Variants in RAVER2 observed in about 807,000 individuals in gnomAD.
The protein encoded by RAVER2 is ribonucleoprotein, PTB binding 2, also known as ribonucleoprotein PTB-binding 2.
RAVER2 carries 46 observed loss-of-function variants against 78.1 expected under a neutral mutation model. The observed-to-expected ratio is 0.59, with a 90% CI of 0.46 to 0.75. The LOEUF is 0.75. RAVER2 is among the 30% of genes least tolerant of loss of function. The probability of loss-of-function intolerance (pLI) is 0.00; values close to 1 mark genes in which losing one functional copy is unlikely to be tolerated. For synonymous variants in RAVER2, 311 were observed against 313.3 expected (o/e 0.99, Z 0.08); for missense variants, 793 against 837.5 (o/e 0.95, Z 0.66).
At chr1:64,788,488 AAAAC>A (rs1652844507) in intron 4 of RAVER2, among the ~76,000 whole-genome samples, 1 of 150,440 alleles carries the variant, frequency 6.6e-6, no homozygotes, top group Non-Finnish European at 1.5e-5. Context: ...TAAAAATAAA[AAAAC>A]AATAATAAAG....
At chr1:64,830,767 T>C in intron 11 of RAVER2, 72 bp from the exon 12 acceptor site, 1 of 1,366,618 alleles carries the variant, frequency 7.3e-7, no homozygotes, top group Non-Finnish European at 1.0e-6. Flanking sequence ...TGGAATGCTT[T>C]TCTTATAAAT....
At chr1:64,789,629 A>G (rs936655701) in intron 5 of RAVER2, 115 bp downstream of exon 5, 31 of 836,270 alleles carry the variant, frequency 3.7e-5, no homozygotes, top group Middle Eastern at 3.5e-4. Flanking sequence ...TTAAATTAGT[A>G]TAAAATATTT....
chr1:64,780,283 T>G, intron 3 of RAVER2, among the ~76,000 whole-genome samples: 1 of 152,182 alleles, frequency 6.6e-6, no homozygotes, highest in East Asian at 1.9e-4. Context: ...TGGTTTGGAT[T>G]ATAAGAGGAA....
At chr1:64,829,390 C>T (rs939577372) in intron 11 of RAVER2, among the ~76,000 whole-genome samples, 1 of 152,134 alleles carries the variant, frequency 6.6e-6, no homozygotes, top group Admixed American at 6.5e-5. Flanking sequence ...AAAAAGAGTT[C>T]TTTATACCTG....
At chr1:64,768,827 T>G (rs970853873) in intron 2 of RAVER2, 105 bp downstream of exon 2, 5 of 718,734 alleles carry the variant, frequency 7.0e-6, no homozygotes, top group Non-Finnish European at 9.4e-6. Flanking sequence ...ATCATGGAAT[T>G]TTTAAGCCTT....
At chr1:64,830,552 A>C (rs1445026953) in intron 11 of RAVER2, among the ~76,000 whole-genome samples, 1 of 152,182 alleles carries the variant, frequency 6.6e-6, no homozygotes, top group African/African-American at 2.4e-5. Context: ...TGATCAGCAG[A>C]AGCAGCTGCA....
At chr1:64,791,537 G>A (rs372376940) in intron 5 of RAVER2, among the ~76,000 whole-genome samples, 70 of 152,250 alleles carry the variant, frequency 4.6e-4, no homozygotes, top group African/African-American at 1.7e-3. Context: ...AGGGACAAAG[G>A]CCAGTCAAAT....
At chr1:64,770,995 A>T (rs929491789) in intron 2 of RAVER2, among the ~76,000 whole-genome samples, 2 of 151,886 alleles carry the variant, frequency 1.3e-5, no homozygotes, top group African/African-American at 2.4e-5. Context: ...TTAAAAAAAA[A>T]TTAAAGAATT....
intron 9 of RAVER2, 24 bp downstream of exon 9, chr1:64,807,498 A>G (rs778270759): frequency 9.3e-6 from 15 of 1,608,908 alleles, no homozygotes; most frequent in Non-Finnish European, 1.3e-5. Context: ...GGGTGCACAC[A>G]GATGTATATA....
chr1:64,827,738 A>T (rs1316366881), intron 11 of RAVER2, among the ~76,000 whole-genome samples: 2 of 152,376 alleles, frequency 1.3e-5, no homozygotes, highest in East Asian at 3.9e-4. Flanking sequence ...CTTAAATCAC[A>T]TATAATCTGT....
chr1:64,812,918 A>C, intron 10 of RAVER2, 69 bp downstream of exon 10: 1 of 1,194,274 alleles, frequency 8.4e-7, no homozygotes, highest in Non-Finnish European at 1.2e-6. Flanking sequence ...TTTTACTTTA[A>C]TTTTTGACTT....
chr1:64,812,715 C>T, intron 9 of RAVER2, 23 bp from the exon 10 acceptor site: 1 of 1,515,866 alleles, frequency 6.6e-7, no homozygotes, highest in South Asian at 1.2e-5. Context: ...TTAAGTACTC[C>T]CTCCTTTGTT....
chr1:64,792,801 G>A (rs567250014), intron 5 of RAVER2, among the ~76,000 whole-genome samples: 10 of 152,220 alleles, frequency 6.6e-5, no homozygotes, highest in East Asian at 1.9e-4. Flanking sequence ...AATAAATTCC[G>A]TTTATTTTTC....
intron 5 of RAVER2, among the ~76,000 whole-genome samples, chr1:64,798,290 A>G (rs1235891074): frequency 7.3e-6 from 1 of 136,448 alleles, no homozygotes; most frequent in African/African-American, 2.8e-5. Flanking sequence ...TCCATGGTGT[A>G]TATGTGCCAC....
At chr1:64,807,273 T>G in exon 9 of RAVER2, 1 of 1,614,148 alleles carries the variant, frequency 6.2e-7, no homozygotes, top group Non-Finnish European at 8.5e-7. Flanking sequence ...TCTTTCCAAA[T>G]CAGCACATTG....
chr1:64,762,324 C>T (rs1015804282), intron 1 of RAVER2, among the ~76,000 whole-genome samples: 2 of 151,296 alleles, frequency 1.3e-5, no homozygotes, highest in Admixed American at 1.3e-4. Flanking sequence ...GACTCAGTAT[C>T]ATTTAGATGT....
chr1:64,763,128 T>TG (rs1443273698), intron 1 of RAVER2, among the ~76,000 whole-genome samples: 2 of 151,804 alleles, frequency 1.3e-5, no homozygotes, highest in African/African-American at 4.8e-5. Context: ...GCTAACACGG[T>TG]GAAACTCCGT....
In RAVER2 at chr1:64,820,764, T is replaced by G. The variant is rs887628429; in HGVS notation, c.1929+5924T>G. Among the ~76,000 whole-genome samples the G allele has an allele frequency of 1.1e-4, 16 of 152,362 alleles. No homozygotes were observed. The East Asian group carries it at 2.9e-3, about 28-fold the overall frequency. The stretch of plus-strand genomic sequence containing the variant: ...GAGCTCGTTCTTTTTTATGGCTGCA[T>G]AGTGTTCCATAGTGTATATGTACCA... On this transcript the variant is annotated intron_variant, in intron 11 of 11. Transcript: ENST00000294428.
chr1:64,773,712 G>C (rs950487702), intron 2 of RAVER2, among the ~76,000 whole-genome samples: 6 of 152,188 alleles, frequency 3.9e-5, no homozygotes, highest in African/African-American at 1.2e-4. Flanking sequence ...GGGATAGCTA[G>C]GTTAAATGAT....
Sources: gnomAD v4.1 joint callset for allele counts (sites outside exome capture counted in the v4.1 genomes callset) on GRCh38, gnomAD v4.1.1 for gene constraint, MANE v1.5 for transcripts, NCBI Gene and HGNC (gene_info 2026-07-23, HGNC 2026-07-21) for gene names.